PTPRT: variants seen among roughly 807,000 people sequenced by gnomAD.
The protein encoded by PTPRT is protein tyrosine phosphatase receptor type T.
PTPRT carries 56 observed loss-of-function variants against 176.8 expected under a neutral mutation model. The observed-to-expected ratio is 0.32, with a 90% CI of 0.26 to 0.40. The LOEUF (loss-of-function observed/expected upper bound fraction) is 0.40. Among genes scored for constraint, PTPRT ranks in the 10% least tolerant of loss-of-function variants. The pLI, the probability that PTPRT is intolerant of heterozygous loss-of-function variation, is 1.00. For missense variants in PTPRT, 1,540 were observed against 1,908.2 expected, an observed-to-expected ratio of 0.81 and a Z score of 3.60; for synonymous variants, 783 against 739.0, an observed-to-expected ratio of 1.06 and a Z score of -0.96.
At chr20:42,960,460 C>T (rs991466893) in intron 1 of PTPRT, among the ~76,000 whole-genome samples, 3 of 152,146 alleles carry the variant, frequency 2.0e-5, no homozygotes, top group African/African-American at 7.2e-5. Flanking sequence ...GACCTAAGAA[C>T]CTCCTAAAGG....
chr20:42,415,636 C>T (rs909912511), intron 9 of PTPRT, among the ~76,000 whole-genome samples: 2 of 152,164 alleles, frequency 1.3e-5, no homozygotes, highest in African/African-American at 4.8e-5. Context: ...TATAAAAATG[C>T]TAGCATAGGA....
chr20:42,190,239 G>A (rs1990943379), intron 16 of PTPRT, among the ~76,000 whole-genome samples: 1 of 152,116 alleles, frequency 6.6e-6, no homozygotes. Context: ...ATGCTCTGTT[G>A]AGCTCTCGAT....
rs144571108 is a variant in PTPRT, at chr20:42,116,006, G to A, written c.2983-691C>T. 2.2e-3 allele frequency: 1,609 copies of A among 717,366 alleles called. 12 individuals carry two copies. Among genetic ancestry groups the A allele is most frequent in the Middle Eastern group, 9.6e-3 (42 of 4,370 alleles). The allele number at this position is 717,366 out of a possible 1,614,324, so 44.4% of individuals were successfully genotyped here. Reference sequence around the variant, plus strand: ...ACTCATGGATGAAAAAGAGATCATGGTTTTCCCCTTAAAAGAACAAAAGCA... The same window carrying A: ...ACTCATGGATGAAAAAGAGATCATGATTTTCCCCTTAAAAGAACAAAAGCA... On this transcript the variant is annotated intron_variant, in intron 21 of 30. Transcript: ENST00000373187.
At chr20:42,745,901 A>G (rs550753136) in intron 6 of PTPRT, among the ~76,000 whole-genome samples, 38 of 152,296 alleles carry the variant, frequency 2.5e-4, no homozygotes, top group African/African-American at 9.1e-4. Context: ...ATTAAATACA[A>G]CCTCATGAGA....
chr20:42,199,488 C>G, intron 15 of PTPRT, 100 bp from the exon 16 acceptor site: 1 of 1,328,040 alleles, frequency 7.5e-7, no homozygotes, highest in Non-Finnish European at 1.0e-6. Flanking sequence ...TCCTCAACCC[C>G]CAAATCTGGT....
chr20:42,070,519 T>C (rs570757335), downstream of PTPRT, among the ~76,000 whole-genome samples: 17 of 152,088 alleles, frequency 1.1e-4, no homozygotes, highest in Non-Finnish European at 2.5e-4. Context: ...ACCCAAGACT[T>C]GAAGCACCCA....
intron 7 of PTPRT, among the ~76,000 whole-genome samples, chr20:42,555,087 A>G (rs1250842890): frequency 6.6e-6 from 1 of 152,172 alleles, no homozygotes; most frequent in African/African-American, 2.4e-5. Context: ...GGGAGGTGAC[A>G]GACAGTCCAG....
chr20:42,812,145 A>G (rs2077706998), intron 2 of PTPRT, among the ~76,000 whole-genome samples: 1 of 152,048 alleles, frequency 6.6e-6, no homozygotes, highest in Admixed American at 6.6e-5. Context: ...CTAAGTTTTA[A>G]TAGTTTAACT....
chr20:42,245,637 G>T (rs192252706), intron 14 of PTPRT, among the ~76,000 whole-genome samples: 1 of 152,198 alleles, frequency 6.6e-6, no homozygotes, highest in African/African-American at 2.4e-5. Flanking sequence ...TGGATCTCAA[G>T]CCCATTCTCT....
chr20:42,318,484 T>C (rs956782147), intron 11 of PTPRT, among the ~76,000 whole-genome samples: 2 of 152,140 alleles, frequency 1.3e-5, no homozygotes, highest in African/African-American at 4.8e-5. Flanking sequence ...CTCTGATCTG[T>C]GAGGGAAAGG....
At chr20:42,744,794 A>C (rs951437135) in intron 6 of PTPRT, among the ~76,000 whole-genome samples, 1 of 152,246 alleles carries the variant, frequency 6.6e-6, no homozygotes, top group Non-Finnish European at 1.5e-5. Context: ...GGGGGTGAGC[A>C]GATGAGGAAT....
chr20:42,530,890 G>A (rs1224520200), intron 7 of PTPRT, among the ~76,000 whole-genome samples: 1 of 152,176 alleles, frequency 6.6e-6, no homozygotes, highest in African/African-American at 2.4e-5. Context: ...GGTTTCCGGA[G>A]AAACATGGCC....
chr20:42,335,260 C>T (rs2145450148), intron 11 of PTPRT, among the ~76,000 whole-genome samples: 1 of 152,268 alleles, frequency 6.6e-6, no homozygotes, highest in Admixed American at 6.5e-5. Context: ...TATGTGTCTG[C>T]CCTCTACCCC....
chr20:42,917,362 T>C (rs539412861), intron 1 of PTPRT, among the ~76,000 whole-genome samples: 355 of 152,300 alleles, frequency 2.3e-3, no homozygotes, highest in Non-Finnish European at 4.2e-3. Flanking sequence ...TTGGTTACTG[T>C]AGTCTTGTAG....
At chr20:42,445,337 A>G (rs995357066) in intron 9 of PTPRT, among the ~76,000 whole-genome samples, 5 of 152,218 alleles carry the variant, frequency 3.3e-5, no homozygotes, top group African/African-American at 1.2e-4. Context: ...CTTCAGAGTA[A>G]TCCTATAAGG....
chr20:42,379,054 C>T (rs1395847908), intron 9 of PTPRT, among the ~76,000 whole-genome samples: 2 of 152,190 alleles, frequency 1.3e-5, no homozygotes, highest in African/African-American at 4.8e-5. Flanking sequence ...ACTTGGAATG[C>T]TGCATTTCGT....
intron 1 of PTPRT, among the ~76,000 whole-genome samples, chr20:42,992,984 G>A (rs928528493): frequency 3.3e-5 from 5 of 152,104 alleles, no homozygotes; most frequent in Non-Finnish European, 5.9e-5. Context: ...CAGTTGCATA[G>A]CCTTTTCTCT....
intron 2 of PTPRT, among the ~76,000 whole-genome samples, chr20:42,852,988 G>A (rs2078501995): frequency 6.6e-6 from 1 of 152,238 alleles, no homozygotes; most frequent in African/African-American, 2.4e-5. Context: ...ATGTTCAAGT[G>A]AAGGCATCAG....
chr20:43,116,237 G>C (rs536885174), intron 1 of PTPRT, among the ~76,000 whole-genome samples: 2 of 152,074 alleles, frequency 1.3e-5, no homozygotes, highest in African/African-American at 4.8e-5. Context: ...CTCAAATGCC[G>C]CATGGAACCA....
Sources: gnomAD v4.1 joint callset for allele counts (sites outside exome capture counted in the v4.1 genomes callset) on GRCh38, gnomAD v4.1.1 for gene constraint, MANE v1.5 for transcripts, NCBI Gene and HGNC (gene_info 2026-07-23, HGNC 2026-07-21) for gene names.